CCSER1: variants seen among roughly 807,000 people sequenced by gnomAD.
CCSER1 encodes coiled-coil serine rich protein 1, also known as serine-rich coiled-coil domain-containing protein 1.
Under a neutral mutation model 82.0 loss-of-function variants are expected in CCSER1, and 41 were observed. The observed-to-expected ratio is 0.50, with a 90% CI of 0.39 to 0.65. The LOEUF is 0.65. Among genes scored for constraint, CCSER1 ranks in the 30% least tolerant of loss-of-function variants. The pLI is 0.00. For synonymous variants in CCSER1, 414 were observed against 383.9 expected, an observed-to-expected ratio of 1.08 and a Z score of -0.92; for missense variants, 1,119 against 1,064.2, an observed-to-expected ratio of 1.05 and a Z score of -0.72.
chr4:90,910,104 C>CAG (rs1312015012), intron 8 of CCSER1, among the ~76,000 whole-genome samples: 1 of 151,980 alleles, frequency 6.6e-6, no homozygotes, highest in African/African-American at 2.4e-5. Context: ...GCAGGAAAGA[C>CAG]AGAGAGAGAG....
chr4:90,217,372 T>A (rs1187931928), intron 1 of CCSER1, among the ~76,000 whole-genome samples: 1 of 152,010 alleles, frequency 6.6e-6, no homozygotes, highest in Admixed American at 6.6e-5. Context: ...AATTTTTGTA[T>A]TTTTTTAGTA....
intron 9 of CCSER1, among the ~76,000 whole-genome samples, chr4:91,068,750 G>C (rs913521824): frequency 2.0e-5 from 3 of 152,192 alleles, no homozygotes; most frequent in Non-Finnish European, 2.9e-5. Context: ...TAAAAGAATT[G>C]AGGGAAATTT....
At chr4:90,290,635 C>T (rs537811255) in intron 1 of CCSER1, among the ~76,000 whole-genome samples, 1 of 151,870 alleles carries the variant, frequency 6.6e-6, no homozygotes, top group Non-Finnish European at 1.5e-5. Context: ...CTCTCTCTCT[C>T]GCTCGCTTGT....
At chr4:91,408,101 C>T (rs1467726475) in intron 10 of CCSER1, among the ~76,000 whole-genome samples, 2 of 151,836 alleles carry the variant, frequency 1.3e-5, no homozygotes, top group African/African-American at 4.8e-5. Flanking sequence ...AGATGAATGT[C>T]TAGAGTACAA....
chr4:91,260,186 C>T (rs1352067425), intron 10 of CCSER1, among the ~76,000 whole-genome samples: 1 of 152,158 alleles, frequency 6.6e-6, no homozygotes. Flanking sequence ...TGAGCTTACA[C>T]TTTCTCCTTA....
chr4:90,497,612 A>G (rs1330921451), intron 5 of CCSER1, among the ~76,000 whole-genome samples: 3 of 152,196 alleles, frequency 2.0e-5, no homozygotes, highest in Admixed American at 2.0e-4. Context: ...AAGTAGCTCA[A>G]TGCAAACATA....
intron 10 of CCSER1, among the ~76,000 whole-genome samples, chr4:91,529,573 G>C (rs531588809): frequency 6.6e-6 from 1 of 151,972 alleles, no homozygotes; most frequent in Non-Finnish European, 1.5e-5. Context: ...GAGAAAACGT[G>C]GTCATTATTT....
intron 3 of CCSER1, among the ~76,000 whole-genome samples, chr4:90,362,849 A>T (rs1745603458): frequency 6.6e-6 from 1 of 152,178 alleles, no homozygotes; most frequent in African/African-American, 2.4e-5. Context: ...TAACAGTATA[A>T]TATCAATAGT....
At chr4:91,056,779 T>G (rs189875871) in intron 9 of CCSER1, among the ~76,000 whole-genome samples, 2 of 152,332 alleles carry the variant, frequency 1.3e-5, no homozygotes, top group African/African-American at 4.8e-5. Flanking sequence ...GTCTTTGTGC[T>G]AAGGATCAGG....
At chr4:91,206,282 G>A (rs2149076376) in intron 10 of CCSER1, among the ~76,000 whole-genome samples, 1 of 152,010 alleles carries the variant, frequency 6.6e-6, no homozygotes, top group African/African-American at 2.4e-5. Flanking sequence ...ATCCACCCAA[G>A]GGATTCAGTA....
chr4:90,150,962 G>C (rs1726725979), intron 1 of CCSER1, among the ~76,000 whole-genome samples: 1 of 151,962 alleles, frequency 6.6e-6, no homozygotes, highest in Admixed American at 6.6e-5. Context: ...TGAATAGATT[G>C]TTATTTTTTT....
chr4:90,130,968 C>G (rs1560658068), intron 1 of CCSER1, among the ~76,000 whole-genome samples: 1 of 151,918 alleles, frequency 6.6e-6, no homozygotes. Context: ...TTTAAGAAGA[C>G]AAATCTTTAG....
At chr4:91,284,647 T>A (rs1401805386) in intron 10 of CCSER1, among the ~76,000 whole-genome samples, 1 of 152,070 alleles carries the variant, frequency 6.6e-6, no homozygotes, top group Non-Finnish European at 1.5e-5. Flanking sequence ...TTTCCTCTTT[T>A]CCCACACCAG....
chr4:91,189,326 A>ACTT (rs1329959379), intron 10 of CCSER1, among the ~76,000 whole-genome samples: 57 of 152,300 alleles, frequency 3.7e-4, no homozygotes, highest in African/African-American at 1.4e-3. Flanking sequence ...GGATCTAAAA[A>ACTT]ATCAGGTTTA....
intron 10 of CCSER1, among the ~76,000 whole-genome samples, chr4:91,594,133 A>T (rs1425578939): frequency 6.7e-6 from 1 of 149,592 alleles, no homozygotes; most frequent in African/African-American, 2.4e-5. Context: ...CAGGAGGCTT[A>T]ATTCTGATTT....
intron 8 of CCSER1, among the ~76,000 whole-genome samples, chr4:90,922,843 G>A (rs917899777): frequency 1.3e-5 from 2 of 152,102 alleles, no homozygotes; most frequent in Admixed American, 6.6e-5. Flanking sequence ...CCTAGTTCGT[G>A]TATTACTTCC....
At chr4:91,470,896 G>C (rs111353763) in intron 10 of CCSER1, among the ~76,000 whole-genome samples, 1,554 of 152,150 alleles carry the variant, frequency 0.01, 11 homozygotes, top group Middle Eastern at 0.02. Context: ...TATATTCATA[G>C]CAATCCATTT....
At chr4:91,378,562 G>C (rs1020445025) in intron 10 of CCSER1, among the ~76,000 whole-genome samples, 2 of 152,120 alleles carry the variant, frequency 1.3e-5, no homozygotes, top group Non-Finnish European at 2.9e-5. Flanking sequence ...GTCTGTTATT[G>C]GTGTATAAGA....
chr4:90,722,196 T>C (rs1014263770), intron 6 of CCSER1, among the ~76,000 whole-genome samples: 2 of 151,824 alleles, frequency 1.3e-5, no homozygotes, highest in Non-Finnish European at 3.0e-5. Context: ...ATGAATGTCA[T>C]CTATGTCTCC....
Sources: allele counts gnomAD v4.1 joint callset (sites outside exome capture counted in the v4.1 genomes callset), GRCh38; gene constraint gnomAD v4.1.1; transcripts MANE v1.5; gene names NCBI Gene and HGNC (gene_info 2026-07-23, HGNC 2026-07-21).